The following DRG1 variants were observed in gnomAD, a reference collection of about 807,000 sequenced individuals.
The protein encoded by DRG1 is developmentally regulated GTP binding protein 1.
DRG1 carries 19 observed loss-of-function variants against 38.8 expected under a neutral mutation model. The ratio of observed to expected loss-of-function variants is 0.49; its 90% confidence interval spans 0.34 to 0.72. The LOEUF is 0.72. Among genes scored for constraint, DRG1 ranks in the 30% least tolerant of loss-of-function variants. DRG1 has a pLI of 0.01. For missense variants in DRG1, 299 were observed against 444.8 expected, an observed-to-expected ratio of 0.67 and a Z score of 2.95; for synonymous variants, 167 against 157.5, an observed-to-expected ratio of 1.06 and a Z score of -0.45.
chr22:31,419,561 G>C (rs556937785), intron 4 of DRG1, among the ~76,000 whole-genome samples: 1 of 152,176 alleles, frequency 6.6e-6, no homozygotes, highest in African/African-American at 2.4e-5. Context: ...GCAGAAAGCA[G>C]ATCAGTGGTT....
intron 4 of DRG1, among the ~76,000 whole-genome samples, chr22:31,418,073 G>A (rs2050054506): frequency 6.6e-6 from 1 of 151,980 alleles, no homozygotes; most frequent in South Asian, 2.1e-4. Flanking sequence ...GAGGTGGGCA[G>A]ATCATGAGGT....
intron 8 of DRG1, among the ~76,000 whole-genome samples, chr22:31,433,272 ATTTT>A (rs695603): frequency 1.5e-5 from 2 of 132,616 alleles, no homozygotes; most frequent in Non-Finnish European, 3.2e-5. Context: ...TTAAAGACGG[ATTTT>A]TTTTTTTTTT....
intron 4 of DRG1, among the ~76,000 whole-genome samples, chr22:31,413,911 C>T (rs920072374): frequency 1.3e-5 from 2 of 151,840 alleles, no homozygotes; most frequent in Non-Finnish European, 2.9e-5. Context: ...ACCGGGCCCT[C>T]CCGACACCTG....
chr22:31,409,998 AAAAC>A (rs1049518247), intron 3 of DRG1, among the ~76,000 whole-genome samples: 29 of 152,088 alleles, frequency 1.9e-4, no homozygotes, highest in Admixed American at 8.5e-4. Context: ...CCGTCTTTTA[AAAAC>A]AAACAAACAA....
At chr22:31,404,014 T>C (rs925639628) in intron 3 of DRG1, among the ~76,000 whole-genome samples, 2 of 141,446 alleles carry the variant, frequency 1.4e-5, no homozygotes, top group African/African-American at 2.6e-5. Flanking sequence ...AGGATGCTAT[T>C]GACACCTCTC....
intron 3 of DRG1, among the ~76,000 whole-genome samples, chr22:31,404,425 A>G (rs978766236): frequency 1.3e-5 from 2 of 151,580 alleles, no homozygotes. Context: ...ATTTTTTTGT[A>G]GAGACGGGGT....
chr22:31,422,150 G>A (rs2050080622), intron 5 of DRG1, among the ~76,000 whole-genome samples: 1 of 148,920 alleles, frequency 6.7e-6, no homozygotes, highest in South Asian at 2.1e-4. Context: ...AAAGAGAATC[G>A]GCCAGGCACG....
At position 31,426,623 on chromosome 22, in the gene DRG1, T is replaced by C. The variant is rs1348421436; in HGVS notation, c.722T>C (p.Ile241Thr). 1 of 1,611,256 alleles carries C rather than the reference T, an allele frequency of 6.2e-7. No individual in the cohort carries two copies. Among genetic ancestry groups the C allele is most frequent in the Non-Finnish European group, 8.5e-7 (1 of 1,179,132 alleles). The change falls in exon 7 of 9, where the codon ATC becomes ACC. Residue 241 changes from isoleucine (I) to threonine (T), a missense_variant. Physicochemically the swap from Ile to Thr is moderately conservative, Grantham distance 89 (BLOSUM62 -1). This residue lies in a region of DRG1 where 198 missense variants were observed against 268.1 expected (regional missense o/e 0.74). Transcript: ENST00000331457. Reference protein sequence around the residue: ...IDVVEGNRVYIPCIYVLNKID... With the variant: ...IDVVEGNRVYTPCIYVLNKID... The stretch of plus-strand genomic sequence containing the variant: ...TTCTTCACTTTCTGTAGAGTTTATA[T>C]CCCCTGTATCTATGTGTTAAATAAG...
intron 4 of DRG1, among the ~76,000 whole-genome samples, chr22:31,413,961 A>C (rs1028120842): frequency 6.6e-6 from 1 of 152,042 alleles, no homozygotes; most frequent in African/African-American, 2.4e-5. Flanking sequence ...CCCTGTTGTC[A>C]AACCTGATGG....
At chr22:31,425,464 G>C (rs1157444162) in intron 6 of DRG1, among the ~76,000 whole-genome samples, 1 of 146,318 alleles carries the variant, frequency 6.8e-6, no homozygotes, top group African/African-American at 2.5e-5. Context: ...TTTTGAGACA[G>C]AGTCATGCTC....
chr22:31,427,997 G>T (rs2050120183), intron 8 of DRG1, among the ~76,000 whole-genome samples: 1 of 151,954 alleles, frequency 6.6e-6, no homozygotes, highest in African/African-American at 2.4e-5. Flanking sequence ...GGGATTACAG[G>T]CATGAGCCAC....
chr22:31,423,881 TGA>T (rs2050092954), intron 6 of DRG1, among the ~76,000 whole-genome samples: 101 of 132,758 alleles, frequency 7.6e-4, no homozygotes, highest in African/African-American at 2.5e-3. Context: ...TTTTTTTTTT[TGA>T]GATAGAGTTT....
intron 3 of DRG1, among the ~76,000 whole-genome samples, chr22:31,404,088 C>A (rs1312124729): frequency 6.9e-6 from 1 of 145,360 alleles, no homozygotes; most frequent in East Asian, 2.1e-4. Flanking sequence ...CCCAGAAAAC[C>A]TTCACTCATT....
intron 4 of DRG1, among the ~76,000 whole-genome samples, chr22:31,414,907 G>C (rs1290442486): frequency 6.6e-6 from 1 of 151,558 alleles, no homozygotes; most frequent in Non-Finnish European, 1.5e-5. Flanking sequence ...AGCCTCTTGA[G>C]TAGCTAAGGA....
chr22:31,419,429 A>G (rs924204923), intron 4 of DRG1, among the ~76,000 whole-genome samples: 1 of 151,736 alleles, frequency 6.6e-6, no homozygotes, highest in Non-Finnish European at 1.5e-5. Context: ...GCTCCAAGCA[A>G]TCCTTCTGCC....
chr22:31,412,690 G>T (rs2050024537), intron 4 of DRG1, among the ~76,000 whole-genome samples: 1 of 151,530 alleles, frequency 6.6e-6, no homozygotes, highest in South Asian at 2.1e-4. Flanking sequence ...GATATTTGGT[G>T]GAGCCTTTTT....
At chr22:31,429,014 T>C (rs1183068662) in intron 8 of DRG1, among the ~76,000 whole-genome samples, 1 of 152,098 alleles carries the variant, frequency 6.6e-6, no homozygotes, top group Non-Finnish European at 1.5e-5. Flanking sequence ...GCCGTGAAGG[T>C]AGTATTTTTC....
chr22:31,400,144 C>T (rs895012273), intron 1 of DRG1, among the ~76,000 whole-genome samples: 2 of 152,098 alleles, frequency 1.3e-5, no homozygotes, highest in Non-Finnish European at 2.9e-5. Context: ...CTGCGTCCCC[C>T]TTATTCCCCC....
At chr22:31,427,666 A>G (rs2050118379) in intron 8 of DRG1, among the ~76,000 whole-genome samples, 1 of 152,182 alleles carries the variant, frequency 6.6e-6, no homozygotes, top group Non-Finnish European at 1.5e-5. Flanking sequence ...TCTGGGCTCA[A>G]GCAGTCCTCA....
Sources: allele counts gnomAD v4.1 joint callset (sites outside exome capture counted in the v4.1 genomes callset), GRCh38; gene constraint gnomAD v4.1.1; regional missense constraint gnomAD v4.1.1; transcripts MANE v1.5; gene names NCBI Gene and HGNC (gene_info 2026-07-23, HGNC 2026-07-21).